Variants in ZNF675 observed in about 807,000 individuals in gnomAD.
The protein encoded by ZNF675 is TRAF6 inhibitory zinc finger.
A neutral mutation model predicts 56.1 loss-of-function variants in ZNF675; 36 were observed. The ratio of observed to expected loss-of-function variants is 0.64; its 90% confidence interval spans 0.49 to 0.85. The LOEUF (loss-of-function observed/expected upper bound fraction) is 0.85, where lower values mean the gene tolerates loss of function less well. Among genes scored for constraint, ZNF675 ranks in the 40% least tolerant of loss-of-function variants. ZNF675 has a pLI of 0.00. For synonymous variants in ZNF675, 200 were observed against 218.9 expected, an observed-to-expected ratio of 0.91 and a Z score of 0.76; for missense variants, 663 against 654.2, an observed-to-expected ratio of 1.01 and a Z score of -0.15.
intron 1 of ZNF675, among the ~76,000 whole-genome samples, chr19:23,684,831 CTTTT>C (rs79601437): frequency 0.042 from 6,324 of 151,972 alleles, 189 homozygotes; most frequent in South Asian, 0.14. Flanking sequence ...ACTGAGGTCA[CTTTT>C]TTTTGTCTTT....
intron 1 of ZNF675, among the ~76,000 whole-genome samples, chr19:23,683,465 A>T (rs1208608984): frequency 6.6e-6 from 1 of 152,160 alleles, no homozygotes; most frequent in Non-Finnish European, 1.5e-5. Flanking sequence ...TCTGACTCCC[A>T]GGCTGCAGTG....
chr19:23,670,983 G>T (rs1462568696), intron 1 of ZNF675, among the ~76,000 whole-genome samples: 7 of 152,072 alleles, frequency 4.6e-5, no homozygotes, highest in African/African-American at 1.7e-4. Flanking sequence ...ACCACTGTAG[G>T]AAACAACCAG....
intron 1 of ZNF675, among the ~76,000 whole-genome samples, chr19:23,681,528 G>A (rs1165786838): frequency 6.6e-6 from 1 of 151,660 alleles, no homozygotes; most frequent in Non-Finnish European, 1.5e-5. Context: ...TCCAGGCCAG[G>A]CCTCTGTGAT....
At chr19:23,680,456 T>C (rs1968362296) in intron 1 of ZNF675, among the ~76,000 whole-genome samples, 1 of 151,468 alleles carries the variant, frequency 6.6e-6, no homozygotes, top group Admixed American at 6.6e-5. Flanking sequence ...AAATGCATGT[T>C]ATTATTTATA....
At chr19:23,668,112 A>G (rs1015797003) in intron 1 of ZNF675, among the ~76,000 whole-genome samples, 10 of 148,996 alleles carry the variant, frequency 6.7e-5, no homozygotes, top group Non-Finnish European at 1.2e-4. Context: ...TACAGTGTCA[A>G]CTGGTGCACT....
intron 1 of ZNF675, among the ~76,000 whole-genome samples, chr19:23,685,949 G>A (rs1373676103): frequency 5.9e-5 from 9 of 152,166 alleles, no homozygotes. Flanking sequence ...CAGGCAATTA[G>A]ACGGAGGTTA....
Position 23,663,038 on chromosome 19 carries a change from A to C in ZNF675, c.124T>G (p.Phe42Val). ...VILENYRNLV[F>V]LGIAVSKQDL... ...GTGTTTAAGTTATCCTTACCCAGGA[A>C]GACCAGGTTTCTGTAGTTCTCTAAA... Residue 42 changes from phenylalanine (F) to valine (V), a missense_variant, in exon 2 of 4, where the codon TTC becomes GTC. Physicochemically the swap from Phe to Val is conservative, Grantham distance 50. This residue lies in a region of ZNF675 where 13 missense variants were observed against 31.8 expected (regional missense o/e 0.41). Transcript: ENST00000359788. 1 of 1,587,122 alleles carries C rather than the reference A, an allele frequency of 6.3e-7. No homozygotes were observed. The highest frequency in any genetic ancestry group is 8.5e-7 in the Non-Finnish European group (1 of 1,171,522).
At chr19:23,686,999 C>G in intron 1 of ZNF675, 32 bp downstream of exon 1, 1 of 1,613,666 alleles carries the variant, frequency 6.2e-7, no homozygotes, top group Non-Finnish European at 8.5e-7. Context: ...AGCCCCTTCC[C>G]CCTCTCGGGA....
chr19:23,664,597 A>G (rs1365015213), intron 1 of ZNF675, among the ~76,000 whole-genome samples: 2 of 152,164 alleles, frequency 1.3e-5, no homozygotes, highest in South Asian at 2.1e-4. Flanking sequence ...TCTCATGAAT[A>G]TATCTTGAAC....
In ZNF675 at chr19:23,653,263, ATTTTT is replaced by A; in HGVS notation, c.1665_1669del (p.Lys555AsnfsTer56). On this transcript the variant is annotated frameshift_variant, in exon 4 of 4. Coordinates refer to ENST00000359788, the MANE Select transcript of ZNF675 (RefSeq NM_138330.3). LOFTEE classifies it high-confidence loss of function. ...GTTCTGTAGTTTCTCTCCAGTATGT[ATTTTT>A]TTATGTTTAGTAAGGTTTGCAGATT... 6.2e-7 allele frequency: 1 copy of A among 1,610,096 alleles called. No individual in the cohort carries two copies. The highest frequency in any genetic ancestry group is 8.5e-7 in the Non-Finnish European group (1 of 1,178,356).
At position 23,653,322 on chromosome 19, in the gene ZNF675, T is replaced by C. The variant is rs377222511; in HGVS notation, c.1611A>G (p.Lys537=). Residue 537 remains lysine (K), a synonymous_variant, in exon 4 of 4, where the codon AAA becomes AAG. Coordinates refer to ENST00000359788, the MANE Select transcript of ZNF675 (RefSeq NM_138330.3). The stretch of plus-strand genomic sequence containing the variant: ...TAAAAGCTTTGTCACATCTCTCACA[T>C]TTATAGGGTTTCTCTCCAGTATGAA... The part of the protein sequence containing the change: ...KIIHTGEKPY[K]CERCDKAFNQ... 6.8e-6 allele frequency: 11 copies of C among 1,613,642 alleles called. No homozygotes were observed. The African/African-American group carries it at 1.2e-4, about 18-fold the overall frequency.
At chr19:23,664,572 G>C (rs973149813) in intron 1 of ZNF675, among the ~76,000 whole-genome samples, 5 of 152,158 alleles carry the variant, frequency 3.3e-5, no homozygotes, top group Non-Finnish European at 4.4e-5. Context: ...CCATTCTTTA[G>C]AGCAAAGGTA....
chr19:23,665,116 G>A (rs964422631), intron 1 of ZNF675, among the ~76,000 whole-genome samples: 2 of 151,876 alleles, frequency 1.3e-5, no homozygotes, highest in East Asian at 2.0e-4. Context: ...AGGCCAAGAC[G>A]GGGGGATCAC....
rs1568290260 is a variant in ZNF675, at chr19:23,662,098, T to C, written c.226+16A>G. On this transcript the variant is annotated intron_variant, in intron 3 of 3. Coordinates refer to ENST00000359788, the MANE Select transcript of ZNF675 (RefSeq NM_138330.3). ...CATCAGTGTCACCTGTTGTATTCAC[T>C]TTCATTCTCACTTACCTGGGGGTTC... The C allele has an allele frequency of 1.3e-6, 2 of 1,597,852 alleles. No individual in the cohort carries two copies. The highest frequency in any genetic ancestry group is 2.7e-5 in the African/African-American group (2 of 74,590).
At chr19:23,660,335 C>T (rs770986478) in intron 3 of ZNF675, among the ~76,000 whole-genome samples, 3 of 152,162 alleles carry the variant, frequency 2.0e-5, no homozygotes, top group Non-Finnish European at 4.4e-5. Flanking sequence ...CTATATTGTG[C>T]CCATTGTCAA....
At chr19:23,683,295 G>T (rs1396851201) in intron 1 of ZNF675, among the ~76,000 whole-genome samples, 1 of 151,670 alleles carries the variant, frequency 6.6e-6, no homozygotes. Flanking sequence ...CAGAAATCAA[G>T]ATCATAGGAT....
At chr19:23,658,771 C>G (rs1968022439) in intron 3 of ZNF675, 1 of 4,292 alleles carries the variant, frequency 2.3e-4, no homozygotes, top group Non-Finnish European at 9.7e-4. Flanking sequence ...AAAAAAATAG[C>G]CTTACATTGC....
intron 2 of ZNF675, 122 bp downstream of exon 2, chr19:23,662,910 G>A (rs1599413257): frequency 1.2e-6 from 1 of 849,898 alleles, no homozygotes; most frequent in Non-Finnish European, 1.7e-6. Flanking sequence ...CTTGAACCCA[G>A]GAGGCGGAGG....
intron 1 of ZNF675, among the ~76,000 whole-genome samples, chr19:23,679,150 G>C (rs1224155868): frequency 1.6e-5 from 2 of 124,760 alleles, no homozygotes; most frequent in Non-Finnish European, 3.2e-5. Context: ...CTGGGCGACA[G>C]AGCGAGACTC....
Sources: allele counts gnomAD v4.1 joint callset (sites outside exome capture counted in the v4.1 genomes callset), GRCh38; gene constraint gnomAD v4.1.1; regional missense constraint gnomAD v4.1.1; transcripts MANE v1.5; gene names NCBI Gene and HGNC (gene_info 2026-07-23, HGNC 2026-07-21).